SLC4A4: variants seen among roughly 807,000 people sequenced by gnomAD.
The protein encoded by SLC4A4 is electrogenic sodium bicarbonate cotransporter 1.
Under a neutral mutation model 111.5 loss-of-function variants are expected in SLC4A4, and 27 were observed. The ratio of observed to expected loss-of-function variants is 0.24; its 90% CI spans 0.18 to 0.33. SLC4A4 has a LOEUF of 0.33. Ranked by LOEUF, SLC4A4 falls within the 10% of genes least tolerant of loss-of-function variation. SLC4A4 has a pLI of 1.00. For missense variants in SLC4A4, 909 were observed against 1,315.5 expected (o/e 0.69, Z 4.78); for synonymous variants, 443 against 463.4 (o/e 0.96, Z 0.57).
At position 71,504,663 on chromosome 4, in the gene SLC4A4, TGG is replaced by T. The variant is rs59792240; in HGVS notation, c.2166+6981_2166+6982del. On this transcript the variant is annotated intron_variant, in intron 16 of 25. Coordinates refer to ENST00000264485, the MANE Select transcript of SLC4A4 (RefSeq NM_001098484.3). ...CCTACTGAAGACTTATTGTGTTTCA[TGG>T]GGGGGGGGGTGTTATTATTATTTTT... Among the ~76,000 whole-genome samples, 560 of 136,984 alleles carry T rather than the reference TGG, an allele frequency of 4.1e-3. 4 individuals are homozygous for T. Among genetic ancestry groups the T allele is most frequent in the African/African-American group, 0.013 (524 of 39,234 alleles). 89.9% of individuals were successfully genotyped at this position (136,984 alleles called of 152,430 possible).
chr4:71,454,911 G>T (rs777668294), intron 12 of SLC4A4, among the ~76,000 whole-genome samples: 1 of 152,152 alleles, frequency 6.6e-6, no homozygotes, highest in Non-Finnish European at 1.5e-5. Flanking sequence ...TTGAGGTCAC[G>T]CAGCAGCTTC....
intron 14 of SLC4A4, among the ~76,000 whole-genome samples, chr4:71,473,979 T>C (rs997288860): frequency 6.6e-6 from 1 of 151,758 alleles, no homozygotes; most frequent in Non-Finnish European, 1.5e-5. Flanking sequence ...GGCAGGTGGA[T>C]TGCTTGAGCC....
intron 3 of SLC4A4, among the ~76,000 whole-genome samples, chr4:71,293,299 C>T (rs1289450318): frequency 2.6e-5 from 4 of 151,138 alleles, no homozygotes; most frequent in South Asian, 4.2e-4. Flanking sequence ...TGCGGTGGCT[C>T]ACGCCTGTAA....
intron 3 of SLC4A4, among the ~76,000 whole-genome samples, chr4:71,329,275 T>C (rs1264923260): frequency 6.6e-6 from 1 of 152,156 alleles, no homozygotes; most frequent in African/African-American, 2.4e-5. Flanking sequence ...TTTTGTTCTT[T>C]ATGCTAAGGA....
intron 7 of SLC4A4, among the ~76,000 whole-genome samples, chr4:71,420,084 T>A (rs1000779242): frequency 6.6e-6 from 1 of 152,132 alleles, no homozygotes; most frequent in Non-Finnish European, 1.5e-5. Context: ...GTTAAAAACT[T>A]TGAAACAAAT....
intron 1 of SLC4A4, among the ~76,000 whole-genome samples, chr4:71,083,679 G>A (rs1324528614): frequency 1.3e-5 from 2 of 151,868 alleles, no homozygotes; most frequent in Non-Finnish European, 2.9e-5. Flanking sequence ...CTGTGCCTGG[G>A]ACAGCAAGAG....
intron 21 of SLC4A4, among the ~76,000 whole-genome samples, chr4:71,556,494 A>C (rs988619994): frequency 6.6e-6 from 1 of 151,956 alleles, no homozygotes; most frequent in Non-Finnish European, 1.5e-5. Flanking sequence ...TATTGGTTGA[A>C]ACTCAGTGCA....
At chr4:71,276,977 G>A (rs1380666256) in intron 3 of SLC4A4, among the ~76,000 whole-genome samples, 2 of 152,176 alleles carry the variant, frequency 1.3e-5, no homozygotes, top group Non-Finnish European at 2.9e-5. Flanking sequence ...CCAGGAGGTC[G>A]AGTCTGTAGT....
At chr4:71,177,326 C>T (rs1745127924) in intron 2 of SLC4A4, among the ~76,000 whole-genome samples, 1 of 152,106 alleles carries the variant, frequency 6.6e-6, no homozygotes. Context: ...TCATGCATAA[C>T]AATATTAACC....
intron 3 of SLC4A4, among the ~76,000 whole-genome samples, chr4:71,314,497 G>A (rs1560402914): frequency 1.3e-5 from 2 of 152,148 alleles, no homozygotes; most frequent in Admixed American, 6.5e-5. Context: ...GTTTACAATA[G>A]CAACAACTTG....
At chr4:71,229,685 G>T (rs1295024910) in intron 1 of SLC4A4, among the ~76,000 whole-genome samples, 1 of 152,024 alleles carries the variant, frequency 6.6e-6, no homozygotes, top group Admixed American at 6.6e-5. Flanking sequence ...TGTCAGTTTT[G>T]CCGCACCGAT....
At chr4:71,419,494 C>A (rs578212220) in intron 7 of SLC4A4, among the ~76,000 whole-genome samples, 1 of 152,220 alleles carries the variant, frequency 6.6e-6, no homozygotes, top group Admixed American at 6.5e-5. Context: ...TAGGACCCTC[C>A]GAGCCAGGTG....
intron 1 of SLC4A4, among the ~76,000 whole-genome samples, chr4:71,229,575 T>C (rs956010034): frequency 2.0e-5 from 3 of 152,170 alleles, no homozygotes; most frequent in East Asian, 1.9e-4. Flanking sequence ...CCTGTGTAAA[T>C]TTCCAGGCTG....
At chr4:71,332,780 C>T (rs1728123560) in intron 3 of SLC4A4, among the ~76,000 whole-genome samples, 1 of 152,168 alleles carries the variant, frequency 6.6e-6, no homozygotes, top group Admixed American at 6.5e-5. Context: ...AATTCTTCTG[C>T]TTAAGTCTGC....
intron 2 of SLC4A4, among the ~76,000 whole-genome samples, chr4:71,095,383 C>T (rs1289961609): frequency 6.6e-6 from 1 of 152,190 alleles, no homozygotes; most frequent in Non-Finnish European, 1.5e-5. Context: ...ATGGACTGTG[C>T]TCTCCCTTTT....
chr4:71,339,593 T>C (rs1728721735), intron 4 of SLC4A4, 88 bp downstream of exon 4: 2 of 1,335,428 alleles, frequency 1.5e-6, no homozygotes, highest in African/African-American at 2.9e-5. Context: ...TTCTTTAGCC[T>C]TAGCACTTTG....
chr4:71,533,304 G>A (rs1344389265), intron 17 of SLC4A4, among the ~76,000 whole-genome samples: 3 of 152,120 alleles, frequency 2.0e-5, no homozygotes, highest in African/African-American at 7.2e-5. Context: ...GCATTGATGA[G>A]TAAGACAAAT....
At chr4:71,348,536 T>C (rs1276421724) in intron 4 of SLC4A4, among the ~76,000 whole-genome samples, 1 of 152,114 alleles carries the variant, frequency 6.6e-6, no homozygotes, top group African/African-American at 2.4e-5. Flanking sequence ...AGGAGGGTCT[T>C]AGAATTGTGG....
chr4:71,394,060 A>G (rs1195882533), intron 6 of SLC4A4, among the ~76,000 whole-genome samples: 1 of 152,140 alleles, frequency 6.6e-6, no homozygotes, highest in Non-Finnish European at 1.5e-5. Flanking sequence ...TATAAAAATT[A>G]TAGAAGATAA....
Sources: allele counts gnomAD v4.1 joint callset (sites outside exome capture counted in the v4.1 genomes callset), GRCh38; gene constraint gnomAD v4.1.1; transcripts MANE v1.5; gene names NCBI Gene and HGNC (gene_info 2026-07-23, HGNC 2026-07-21).